DNAH6: variants seen among roughly 807,000 people sequenced by gnomAD.
The protein encoded by DNAH6 is axonemal beta dynein heavy chain 6.
DNAH6 carries 340 observed loss-of-function variants against 491.4 expected under a neutral mutation model. That is an observed-to-expected ratio of 0.69 (90% CI 0.63 to 0.76). The LOEUF is 0.76. Ranked by LOEUF, DNAH6 falls within the 30% of genes least tolerant of loss-of-function variation. The pLI, the probability that DNAH6 is intolerant of heterozygous loss-of-function variation, is 0.00. For missense variants in DNAH6, 4,443 were observed against 4,972.2 expected, an observed-to-expected ratio of 0.89 and a Z score of 3.20; for synonymous variants, 1,603 against 1,686.1, an observed-to-expected ratio of 0.95 and a Z score of 1.21.
At chr2:84,777,069 G>A (rs1172109452) in intron 64 of DNAH6, among the ~76,000 whole-genome samples, 1 of 152,124 alleles carries the variant, frequency 6.6e-6, no homozygotes, top group Non-Finnish European at 1.5e-5. Context: ...CACAGGAAGG[G>A]AAACATCACA....
At chr2:84,801,265 A>G (rs924935580) in intron 70 of DNAH6, among the ~76,000 whole-genome samples, 4 of 150,816 alleles carry the variant, frequency 2.7e-5, no homozygotes, top group Non-Finnish European at 4.4e-5. Context: ...AAGAAAAAGA[A>G]AAAGAAAAAA....
chr2:84,523,102 A>G (rs892708243), intron 2 of DNAH6, among the ~76,000 whole-genome samples: 16 of 150,884 alleles, frequency 1.1e-4, no homozygotes, highest in Non-Finnish European at 4.5e-5. Context: ...GGTCATTGCT[A>G]GGCTATTTAT....
chr2:84,524,032 T>C (rs1449077452), intron 2 of DNAH6, among the ~76,000 whole-genome samples: 4 of 152,072 alleles, frequency 2.6e-5, no homozygotes, highest in African/African-American at 9.7e-5. Flanking sequence ...ATCTGTCTAA[T>C]ACTGTCAATG....
At chr2:84,471,660 C>A in the DNAH6 span, among the ~76,000 whole-genome samples, 4 of 152,144 alleles carry the variant, frequency 2.6e-5, no homozygotes, top group African/African-American at 9.6e-5. Context: ...ATGGGTCCCT[C>A]CAGTCTCCCG....
chr2:84,703,957 C>A, intron 50 of DNAH6, 110 bp from the exon 51 acceptor site: 1 of 797,694 alleles, frequency 1.3e-6, no homozygotes, highest in Non-Finnish European at 2.0e-6. Context: ...AATTCCCTTT[C>A]ATCATTATTC....
Position 84,805,641 on chromosome 2 carries a change from T to C in DNAH6, c.11482-24T>C, listed in dbSNP as rs144887991. ...TTTCTGAGAATTTGAGTCTTCACTG[T>C]TCTGTCTCTTATTGCCATTACAGTA... is the stretch of plus-strand genomic sequence containing the variant. On this transcript the variant is annotated intron_variant, in intron 70 of 76. Transcript: ENST00000389394. The C allele has an allele frequency of 2.7e-4, 412 of 1,534,752 alleles. 1 individual carries two copies. In the African/African-American group the frequency reaches 5.0e-3, roughly 19 times the overall value.
intron 21 of DNAH6, among the ~76,000 whole-genome samples, chr2:84,608,840 A>G (rs909441474): frequency 6.6e-6 from 1 of 152,210 alleles, no homozygotes; most frequent in Non-Finnish European, 1.5e-5. Flanking sequence ...CATTAGCTAT[A>G]AAAGTCCTAC....
intron 37 of DNAH6, among the ~76,000 whole-genome samples, chr2:84,667,209 C>T (rs1692222398): frequency 6.6e-6 from 1 of 152,124 alleles, no homozygotes; most frequent in Non-Finnish European, 1.5e-5. Flanking sequence ...ATGTCTAAAA[C>T]ACCAAAAGCA....
At chr2:84,663,666 A>G (rs1007640804) in intron 37 of DNAH6, among the ~76,000 whole-genome samples, 2 of 152,154 alleles carry the variant, frequency 1.3e-5, no homozygotes, top group South Asian at 2.1e-4. Context: ...AAGTTGGAAA[A>G]CACTCTGCAG....
chr2:84,566,894 A>G lies in DNAH6; in HGVS notation c.1804-6573A>G, dbSNP rs148263864. On this transcript the variant is annotated intron_variant, in intron 11 of 76. Transcript: ENST00000389394. Reference sequence around the variant, plus strand: ...TCACTGAAACAAATATGAATTTTTCATAAACGTAGCTGGTACAACTGAATA... The same window carrying G: ...TCACTGAAACAAATATGAATTTTTCGTAAACGTAGCTGGTACAACTGAATA... 6.6e-4 allele frequency among the ~76,000 whole-genome samples: 100 copies of G among 152,228 alleles called. 1 individual carries two copies. The highest frequency in any genetic ancestry group is 2.3e-3 in the African/African-American group (94 of 41,590).
chr2:84,475,782 C>T, the DNAH6 span, among the ~76,000 whole-genome samples: 1 of 152,174 alleles, frequency 6.6e-6, no homozygotes, highest in Admixed American at 6.5e-5. Flanking sequence ...TATACACAGC[C>T]TCTTGGAGCC....
At chr2:84,593,832 C>A in intron 16 of DNAH6, 140 bp from the exon 17 acceptor site, 7 of 315,370 alleles carry the variant, frequency 2.2e-5, no homozygotes, top group Admixed American at 5.1e-5. Context: ...TCATCTGTTT[C>A]TAGTGCTCCT....
At chr2:84,542,546 C>T (rs1188320956) in intron 4 of DNAH6, among the ~76,000 whole-genome samples, 1 of 152,124 alleles carries the variant, frequency 6.6e-6, no homozygotes, top group East Asian at 1.9e-4. Flanking sequence ...GTTGGAGGGA[C>T]TATTCCTCTC....
intron 11 of DNAH6, among the ~76,000 whole-genome samples, chr2:84,567,976 T>C (rs1336918564): frequency 6.6e-6 from 1 of 152,046 alleles, no homozygotes; most frequent in Non-Finnish European, 1.5e-5. Flanking sequence ...GTGGCATATA[T>C]ATAAACTCAA....
Position 84,709,417 on chromosome 2 carries a change from T to A in DNAH6, c.9123T>A (p.Ile3041=). The stretch of plus-strand genomic sequence containing the variant: ...ATCCTTCCTTCAGTCTCATTAACAT[T>A]CTTGGAGATCCCTACGAGATACGGC... ...PIDPSFSLIN[I]LGDPYEIRQW... The change falls in exon 55 of 77, where the codon ATT becomes ATA. Residue 3041 remains isoleucine, a synonymous_variant. Coordinates refer to ENST00000389394, the MANE Select transcript of DNAH6 (RefSeq NM_001370.2). 1 of 1,551,690 alleles carries A rather than the reference T, an allele frequency of 6.4e-7. No individual in the cohort carries two copies. Among genetic ancestry groups the A allele is most frequent in the Non-Finnish European group, 8.7e-7 (1 of 1,147,000 alleles).
At chr2:84,489,754 T>G in the DNAH6 span, among the ~76,000 whole-genome samples, 1 of 152,180 alleles carries the variant, frequency 6.6e-6, no homozygotes, top group Admixed American at 6.5e-5. Context: ...TTGTTTAATC[T>G]AGAGCAGTGT....
At chr2:84,477,198 G>C in the DNAH6 span, among the ~76,000 whole-genome samples, 1 of 152,236 alleles carries the variant, frequency 6.6e-6, no homozygotes, top group African/African-American at 2.4e-5. Flanking sequence ...AAAGAAACAG[G>C]TGGTGAGAAT....
chr2:84,486,180 C>T, the DNAH6 span, among the ~76,000 whole-genome samples: 3 of 152,144 alleles, frequency 2.0e-5, no homozygotes, highest in African/African-American at 7.2e-5. Flanking sequence ...TGCCTCATTT[C>T]TCATGAAAAA....
intron 61 of DNAH6, among the ~76,000 whole-genome samples, chr2:84,728,286 T>C (rs1698828212): frequency 6.6e-6 from 1 of 152,196 alleles, no homozygotes; most frequent in Admixed American, 6.5e-5. Flanking sequence ...ATCAGCAGCA[T>C]GAAAACAGAA....
Sources: allele counts gnomAD v4.1 joint callset (sites outside exome capture counted in the v4.1 genomes callset), GRCh38; gene constraint gnomAD v4.1.1; transcripts MANE v1.5; gene names NCBI Gene and HGNC (gene_info 2026-07-23, HGNC 2026-07-21).